The following CSMD1 variants were observed in gnomAD, a reference collection of about 807,000 sequenced individuals.
CSMD1 encodes the protein CUB and Sushi multiple domains 1.
A neutral mutation model predicts 417.5 loss-of-function variants in CSMD1; 213 were observed. The observed-to-expected ratio is 0.51, with a 90% CI of 0.46 to 0.57. CSMD1 has a LOEUF of 0.57. Ranked by LOEUF, CSMD1 falls within the 20% of genes least tolerant of loss-of-function variation. The pLI is 0.00. For missense variants in CSMD1, 6,923 were observed against 4,529.7 expected (o/e 1.53, Z -15.17); for synonymous variants, 2,862 against 1,736.8 (o/e 1.65, Z -16.11).
chr8:3,412,057 CACACGT>C (rs1563362367), intron 12 of CSMD1, among the ~76,000 whole-genome samples: 1 of 66,858 alleles, frequency 1.5e-5, no homozygotes, highest in Admixed American at 2.2e-4. Flanking sequence ...CGTATATATA[CACACGT>C]ATATATACAT....
intron 9 of CSMD1, among the ~76,000 whole-genome samples, chr8:3,578,988 G>T (rs549809009): frequency 1.3e-5 from 2 of 152,274 alleles, no homozygotes; most frequent in East Asian, 1.9e-4. Flanking sequence ...TCTTGCAAAG[G>T]CCTTGCCTCT....
chr8:3,371,070 G>C (rs1250290820), intron 18 of CSMD1, among the ~76,000 whole-genome samples: 1 of 152,094 alleles, frequency 6.6e-6, no homozygotes, highest in Non-Finnish European at 1.5e-5. Flanking sequence ...CCTGGTTCTT[G>C]AACCATCAGA....
intron 3 of CSMD1, among the ~76,000 whole-genome samples, chr8:4,065,752 A>G (rs1049876693): frequency 6.6e-6 from 1 of 152,224 alleles, no homozygotes; most frequent in Non-Finnish European, 1.5e-5. Context: ...AAACACATAA[A>G]TGCTAAATAT....
intron 3 of CSMD1, among the ~76,000 whole-genome samples, chr8:4,303,065 A>G (rs984491775): frequency 6.6e-6 from 1 of 152,186 alleles, no homozygotes; most frequent in Non-Finnish European, 1.5e-5. Context: ...AAGTAGGTAT[A>G]AAAATGATTT....
intron 5 of CSMD1, among the ~76,000 whole-genome samples, chr8:3,972,406 G>C (rs964940028): frequency 1.3e-5 from 2 of 152,110 alleles, no homozygotes; most frequent in African/African-American, 2.4e-5. Flanking sequence ...ATATTAGAAA[G>C]TCAAGTGATT....
At chr8:4,312,007 C>T (rs952667120) in intron 3 of CSMD1, among the ~76,000 whole-genome samples, 2 of 152,010 alleles carry the variant, frequency 1.3e-5, no homozygotes, top group Non-Finnish European at 2.9e-5. Context: ...AAAAGAAATG[C>T]ATTGCTATGA....
At chr8:4,129,660 C>A (rs1585379288) in intron 3 of CSMD1, among the ~76,000 whole-genome samples, 4 of 152,028 alleles carry the variant, frequency 2.6e-5, no homozygotes, top group Admixed American at 2.6e-4. Flanking sequence ...TCTTTTGTCC[C>A]AATGTTCTGA....
At chr8:4,306,545 T>A (rs17413497) in intron 3 of CSMD1, among the ~76,000 whole-genome samples, 114,753 of 151,874 alleles carry the variant, frequency 0.76, 43,480 homozygotes, top group East Asian at 0.85. Flanking sequence ...CAAAATTTTC[T>A]TCCTTATGCA....
At chr8:3,983,479 A>T (rs1814061318) in intron 5 of CSMD1, among the ~76,000 whole-genome samples, 1 of 152,152 alleles carries the variant, frequency 6.6e-6, no homozygotes, top group African/African-American at 2.4e-5. Flanking sequence ...GTAGATATCA[A>T]GTCATGAGGA....
At chr8:3,665,090 A>C (rs183643575) in intron 7 of CSMD1, among the ~76,000 whole-genome samples, 386 of 152,318 alleles carry the variant, frequency 2.5e-3, no homozygotes, top group South Asian at 6.8e-3. Flanking sequence ...ATAACCTAAG[A>C]GGTTAACAAT....
chr8:4,386,727 C>A (rs900202165), intron 3 of CSMD1, among the ~76,000 whole-genome samples: 1 of 152,100 alleles, frequency 6.6e-6, no homozygotes, highest in Non-Finnish European at 1.5e-5. Context: ...GGATAGCTGG[C>A]AGAGAAGTGC....
At chr8:4,090,679 C>T (rs1245744532) in intron 3 of CSMD1, among the ~76,000 whole-genome samples, 1 of 152,148 alleles carries the variant, frequency 6.6e-6, no homozygotes, top group Admixed American at 6.5e-5. Context: ...CATCAATTTC[C>T]TAATTTTATC....
chr8:4,230,199 C>G (rs1585062002), intron 3 of CSMD1, among the ~76,000 whole-genome samples: 1 of 152,120 alleles, frequency 6.6e-6, no homozygotes, highest in South Asian at 2.1e-4. Flanking sequence ...ATCTTAAGAT[C>G]TAGAGTTTCC....
At chr8:3,337,593 A>G (rs993234386) in intron 23 of CSMD1, among the ~76,000 whole-genome samples, 13 of 152,170 alleles carry the variant, frequency 8.5e-5, no homozygotes, top group African/African-American at 3.1e-4. Context: ...GCTGATGTAC[A>G]GGGAATGCAT....
At chr8:4,057,289 G>A (rs564464275) in intron 3 of CSMD1, among the ~76,000 whole-genome samples, 10 of 152,140 alleles carry the variant, frequency 6.6e-5, no homozygotes, top group South Asian at 4.1e-4. Context: ...GCCAGTGATG[G>A]TGAGCATTTT....
chr8:3,449,177 G>A (rs566949369), intron 12 of CSMD1, among the ~76,000 whole-genome samples: 14 of 152,264 alleles, frequency 9.2e-5, no homozygotes, highest in African/African-American at 3.4e-4. Context: ...AGTTGGTGGG[G>A]GGAATCAGTT....
chr8:3,160,360 C>A (rs1819806059), intron 38 of CSMD1, among the ~76,000 whole-genome samples: 1 of 152,130 alleles, frequency 6.6e-6, no homozygotes, highest in Non-Finnish European at 1.5e-5. Flanking sequence ...TCGATTCAAG[C>A]AATCCTCTGA....
chr8:4,371,152 T>A (rs1343882454), intron 3 of CSMD1, among the ~76,000 whole-genome samples: 1 of 152,208 alleles, frequency 6.6e-6, no homozygotes, highest in African/African-American at 2.4e-5. Context: ...AAGTTGGGTA[T>A]AGCTGAATGA....
rs577763287 is a variant in CSMD1, at chr8:3,468,405, G to C, written c.1561+307C>G. Among the ~76,000 whole-genome samples, 5 of 152,232 alleles carry C rather than the reference G, an allele frequency of 3.3e-5. No homozygotes were observed. In the South Asian group the frequency reaches 1.0e-3, roughly 32 times the overall value. On this transcript the variant is annotated intron_variant, in intron 12 of 69. Transcript: ENST00000635120. ...TAAAAGAAGGTTTTCAGAGACACCA[G>C]CCAATATGATATGGTCAAAAGATCC... is the stretch of plus-strand genomic sequence containing the variant.
Sources: gnomAD v4.1 joint callset for allele counts (sites outside exome capture counted in the v4.1 genomes callset) on GRCh38, gnomAD v4.1.1 for gene constraint, MANE v1.5 for transcripts, NCBI Gene and HGNC (gene_info 2026-07-23, HGNC 2026-07-21) for gene names.